KDM5B: variants seen among roughly 807,000 people sequenced by gnomAD.
KDM5B encodes the protein lysine-specific demethylase 5B.
A neutral mutation model predicts 193.4 loss-of-function variants in KDM5B; 144 were observed. The observed-to-expected ratio is 0.74, with a 90% CI of 0.65 to 0.86. The LOEUF is 0.86. KDM5B is among the 40% of genes least tolerant of loss of function. The pLI is 0.00. For synonymous variants in KDM5B, 668 were observed against 682.6 expected, an observed-to-expected ratio of 0.98 and a Z score of 0.33; for missense variants, 1,833 against 1,886.9, an observed-to-expected ratio of 0.97 and a Z score of 0.53.
At position 202,752,975 on chromosome 1, in the gene KDM5B, G is replaced by A. The variant is rs774501057; in HGVS notation, c.1631C>T (p.Ser544Phe). The change falls in exon 12 of 27, where the codon TCC becomes TTC. Residue 544 changes from serine (S) to phenylalanine (F), a missense_variant. Ser to Phe is a radical substitution (Grantham distance 155). Transcript: ENST00000367265. Reference sequence around the variant, plus strand: ...AAGCTGATGGAGGAGATCCGGCTGGGACACAAAGAGTTCTGGAGCTAGTTT... The same window carrying A: ...AAGCTGATGGAGGAGATCCGGCTGGAACACAAAGAGTTCTGGAGCTAGTTT... Reference protein sequence around the residue: ...MKKLAPELFVSQPDLLHQLVT... With the variant: ...MKKLAPELFVFQPDLLHQLVT... 72 of 1,614,148 alleles carry A rather than the reference G, an allele frequency of 4.5e-5. No homozygotes were observed. The South Asian group carries it at 7.6e-4, about 17-fold the overall frequency.
At chr1:202,733,272 G>A in intron 23 of KDM5B, 129 bp downstream of exon 23, 7 of 966,000 alleles carry the variant, frequency 7.2e-6, no homozygotes, top group Non-Finnish European at 1.1e-5. Context: ...GGAAGCTACA[G>A]GTAAAGTGGG....
intron 8 of KDM5B, 70 bp downstream of exon 8, chr1:202,760,345 T>C: frequency 9.6e-7 from 1 of 1,043,342 alleles, no homozygotes; most frequent in Non-Finnish European, 1.4e-6. Flanking sequence ...AAATAAAAAA[T>C]AAAACTCAAA....
chr1:202,775,400 A>G (rs1464102920), intron 2 of KDM5B, among the ~76,000 whole-genome samples: 1 of 138,874 alleles, frequency 7.2e-6, no homozygotes, highest in Non-Finnish European at 1.6e-5. Context: ...AGCTGGGCGT[A>G]GTGGCAGGGG....
rs878927691 is a variant in KDM5B at position 202,749,204 on chromosome 1, C to T, written c.1822-65G>A. On this transcript the variant is annotated intron_variant, in intron 13 of 26. Transcript: ENST00000367265. The stretch of plus-strand genomic sequence containing the variant: ...TTCTTCTATTTCCAAACACCTCTGA[C>T]CCATTATTATCAAATTACCAAACAT... 5.1e-6 allele frequency: 7 copies of T among 1,383,416 alleles called. No homozygotes were observed. In the South Asian group the frequency reaches 9.5e-5, roughly 19 times the overall value. The allele number at this position is 1,383,416 out of a possible 1,614,324, so 85.7% of individuals were successfully genotyped here. A position where few individuals can be genotyped will look rare whatever the true frequency, so the allele number is the denominator to read the frequency against.
At chr1:202,731,715 C>T in intron 24 of KDM5B, 113 bp downstream of exon 24, 1 of 811,374 alleles carries the variant, frequency 1.2e-6, no homozygotes. Flanking sequence ...AGCCTATATC[C>T]TACATTTCAG....
Position 202,764,796 on chromosome 1 carries a change from T to C in KDM5B, c.712-651A>G, listed in dbSNP as rs571854191. The stretch of plus-strand genomic sequence containing the variant: ...GGAGTTTGAGATCAGCCTGCCATAA[T>C]GGCAAAACCCCATCTCTAACTAAAA... On this transcript the variant is annotated intron_variant, in intron 5 of 26. Coordinates refer to ENST00000367265, the MANE Select transcript of KDM5B (RefSeq NM_006618.5). Among the ~76,000 whole-genome samples, 9 of 151,416 alleles carry C rather than the reference T, an allele frequency of 5.9e-5. No individual in the cohort carries two copies. In the South Asian group the frequency reaches 1.7e-3, roughly 28 times the overall value.
In KDM5B at chr1:202,808,274, G is replaced by T. The variant is rs577952504; in HGVS notation, c.32C>A (p.Pro11Gln). ...GCCCCCGAGGGGCAGCGCCGGGCGC[G>T]GGCCTGGGTGCAGTGTGGTGGCCGC... is the stretch of plus-strand genomic sequence containing the variant. Reference protein sequence around the residue: MEAATTLHPGPRPALPLGGPG... With the variant: MEAATTLHPGQRPALPLGGPG... Residue 11 changes from proline (P) to glutamine (Q), a missense_variant, in exon 1 of 27, where the codon CCG becomes CAG. Physicochemically the swap from Pro to Gln is moderately conservative, Grantham distance 76 (BLOSUM62 -1). Coordinates refer to ENST00000367265, the MANE Select transcript of KDM5B (RefSeq NM_006618.5). The T allele has an allele frequency of 1.9e-5, 30 of 1,607,520 alleles. No homozygotes were observed. In the East Asian group the frequency reaches 6.0e-4, roughly 32 times the overall value.
intron 22 of KDM5B, among the ~76,000 whole-genome samples, chr1:202,734,163 A>G (rs1655006569): frequency 6.6e-6 from 1 of 152,136 alleles, no homozygotes; most frequent in Non-Finnish European, 1.5e-5. Flanking sequence ...GGCACATAGT[A>G]AACAAGTTCT....
chr1:202,768,138 T>C (rs1656552417), intron 4 of KDM5B, among the ~76,000 whole-genome samples: 1 of 152,202 alleles, frequency 6.6e-6, no homozygotes, highest in Non-Finnish European at 1.5e-5. Context: ...CCCACAGCAA[T>C]AACTTTGGTT....
chr1:202,724,784 G>A lies in KDM5B; in HGVS notation c.*4252C>T, dbSNP rs1312636659. On this transcript the variant is annotated 3_prime_UTR_variant, in exon 27 of 27. Coordinates refer to ENST00000367265, the MANE Select transcript of KDM5B (RefSeq NM_006618.5). ...TGTGTTCACAGCAGAATCACAGTCAGTGAGAACGTATTGGCAAGGGCAGAA... is the reference window on the plus strand; with the variant it reads ...TGTGTTCACAGCAGAATCACAGTCAATGAGAACGTATTGGCAAGGGCAGAA... 1 of 152,164 alleles carries A rather than the reference G, an allele frequency of 6.6e-6. No homozygotes were observed. Among genetic ancestry groups the A allele is most frequent in the African/African-American group, 2.4e-5 (1 of 41,428 alleles). The allele number at this position is 152,164 out of a possible 1,614,324, so 9.4% of individuals were successfully genotyped here.
chr1:202,787,663 G>A (rs760726286), intron 1 of KDM5B, among the ~76,000 whole-genome samples: 8 of 151,834 alleles, frequency 5.3e-5, no homozygotes, highest in Non-Finnish European at 8.8e-5. Flanking sequence ...CAAGGCAGGC[G>A]GATCACGAGG....
rs71564197 is a variant in KDM5B at position 202,746,409 on chromosome 1, G to GAA, written c.2017-88_2017-87dup. ...CAAACATGCAGTAGTACTTGAGTCTGAAAAAAAAAAAAAAGCTTTACCAAA... is the reference window on the plus strand; with the variant it reads ...CAAACATGCAGTAGTACTTGAGTCTGAAAAAAAAAAAAAAAAGCTTTACCAAA... On this transcript the variant is annotated intron_variant, in intron 14 of 26. Coordinates refer to ENST00000367265, the MANE Select transcript of KDM5B (RefSeq NM_006618.5). 1,199 of 503,380 alleles carry GAA rather than the reference G, an allele frequency of 2.4e-3. 1 individual carries two copies. The highest frequency in any genetic ancestry group is 3.6e-3 in the South Asian group (55 of 15,158). The allele number at this position is 503,380 out of a possible 1,614,324, so 31.2% of individuals were successfully genotyped here. A position where few individuals can be genotyped will look rare whatever the true frequency, so the allele number is the denominator to read the frequency against.
intron 16 of KDM5B, among the ~76,000 whole-genome samples, chr1:202,743,417 G>A (rs1485067520): frequency 6.7e-6 from 1 of 149,176 alleles, no homozygotes; most frequent in Non-Finnish European, 1.5e-5. Flanking sequence ...ACTTATGAAA[G>A]CAAAGTAAAT....
Position 202,760,484 on chromosome 1 carries a change from G to A in KDM5B, c.1008C>T (p.Thr336=). The change falls in exon 8 of 27, where the codon ACC becomes ACT. Residue 336 remains threonine (T), a synonymous_variant. Transcript: ENST00000367265. The part of the protein sequence containing the change: ...LCDGCDDSYH[T]FCLIPPLHDV... ...CATGGAGAGGTGGGATCAAGCAAAA[G>A]GTATGGTAACTGTCATCACAGCCAT... is the stretch of plus-strand genomic sequence containing the variant. The A allele has an allele frequency of 6.2e-7, 1 of 1,613,578 alleles. No homozygotes were observed. Among genetic ancestry groups the A allele is most frequent in the Non-Finnish European group, 8.5e-7 (1 of 1,179,720 alleles).
chr1:202,731,956 G>A lies in KDM5B; in HGVS notation c.3910-17C>T, dbSNP rs372504083. Reference sequence around the variant, plus strand: ...TTGAGATACCTAATGGAGGGAAAACGTTTTATAATAAAATCTCTTCAGGAT... The same window carrying A: ...TTGAGATACCTAATGGAGGGAAAACATTTTATAATAAAATCTCTTCAGGAT... On this transcript the variant is annotated splice_polypyrimidine_tract_variant and intron_variant, in intron 23 of 26. Coordinates refer to ENST00000367265, the MANE Select transcript of KDM5B (RefSeq NM_006618.5). The A allele has an allele frequency of 3.9e-5, 56 of 1,439,344 alleles. No homozygotes were observed. The highest frequency in any genetic ancestry group is 2.5e-4 in the African/African-American group (17 of 69,066). 89.2% of individuals were successfully genotyped at this position (1,439,344 alleles called of 1,614,324 possible).
chr1:202,728,920 G>T lies in KDM5B; in HGVS notation c.*116C>A. The T allele has an allele frequency of 8.4e-7, 1 of 1,186,078 alleles. No individual in the cohort carries two copies. Among genetic ancestry groups the T allele is most frequent in the Non-Finnish European group, 1.2e-6 (1 of 819,564 alleles). 73.5% of individuals were successfully genotyped at this position (1,186,078 alleles called of 1,614,324 possible). On this transcript the variant is annotated 3_prime_UTR_variant, in exon 27 of 27. Coordinates refer to ENST00000367265, the MANE Select transcript of KDM5B (RefSeq NM_006618.5). ...AATGATCCCATAAGGAATAGAAATA[G>T]CACCGTTTACAGGCTGGCTTGAGTA...
rs763406782 is a variant in KDM5B, at chr1:202,746,291, C to T, written c.2049G>A (p.Glu683=). 1.2e-6 allele frequency: 2 copies of T among 1,611,646 alleles called. No individual in the cohort carries two copies. Among genetic ancestry groups the T allele is most frequent in the East Asian group, 2.2e-5 (1 of 44,842 alleles). ...ACTGACGTTCATCATCTGGCAACAG[C>T]TCAAAATCCATTCTTTCCGAATCAA... is the stretch of plus-strand genomic sequence containing the variant. The part of the protein sequence containing the change: ...GVIDSERMDF[E]LLPDDERQCV... Residue 683 remains glutamate, a synonymous_variant, in exon 15 of 27, where the codon GAG becomes GAA. Coordinates refer to ENST00000367265, the MANE Select transcript of KDM5B (RefSeq NM_006618.5).
At chr1:202,757,121 G>A (rs1166455791) in intron 9 of KDM5B, among the ~76,000 whole-genome samples, 3 of 152,074 alleles carry the variant, frequency 2.0e-5, no homozygotes, top group Admixed American at 2.0e-4. Flanking sequence ...ATTCTCATAA[G>A]GAACATGCAA....
chr1:202,728,876 C>T lies in KDM5B; in HGVS notation c.*160G>A. ...AATTTTTTTAGTTGTTTTTTCTTTT[C>T]TTCAAAGAGTCCTGGAAAAATGATC... On this transcript the variant is annotated 3_prime_UTR_variant, in exon 27 of 27. Transcript: ENST00000367265. The T allele has an allele frequency of 1.2e-6, 1 of 813,236 alleles. No individual in the cohort carries two copies. 50.4% of individuals were successfully genotyped at this position (813,236 alleles called of 1,614,324 possible).
Sources: allele counts gnomAD v4.1 joint callset (sites outside exome capture counted in the v4.1 genomes callset), GRCh38; gene constraint gnomAD v4.1.1; transcripts MANE v1.5; gene names NCBI Gene and HGNC (gene_info 2026-07-23, HGNC 2026-07-21).